CORO2A: variants seen among roughly 807,000 people sequenced by gnomAD.
CORO2A encodes the protein coronin-2A.
Under a neutral mutation model 62.4 loss-of-function variants are expected in CORO2A, and 47 were observed. The ratio of observed to expected loss-of-function variants is 0.75; its 90% CI spans 0.60 to 0.96. The LOEUF (loss-of-function observed/expected upper bound fraction) is 0.96, where lower values mean the gene tolerates loss of function less well. Among genes scored for constraint, CORO2A ranks in the 40% least tolerant of loss-of-function variants. The pLI, the probability that CORO2A is intolerant of heterozygous loss-of-function variation, is 0.00. For synonymous variants in CORO2A, 273 were observed against 268.9 expected (o/e 1.02, Z -0.15); for missense variants, 610 against 684.1 (o/e 0.89, Z 1.21).
At chr9:98,148,020 G>C (rs986170269) in intron 2 of CORO2A, among the ~76,000 whole-genome samples, 22 of 150,942 alleles carry the variant, frequency 1.5e-4, no homozygotes, top group African/African-American at 5.1e-4. Flanking sequence ...GCTGAGGCAA[G>C]AGGATCACTT....
At chr9:98,136,466 C>T (rs993175242) in intron 3 of CORO2A, among the ~76,000 whole-genome samples, 5 of 152,268 alleles carry the variant, frequency 3.3e-5, no homozygotes, top group Admixed American at 6.5e-5. Context: ...GCCCATTTTG[C>T]CTTGGCTGCC....
rs142320389 is a variant in CORO2A, at chr9:98,165,492, C to G, written c.1-7832G>C. On this transcript the variant is annotated intron_variant, in intron 1 of 11. Transcript: ENST00000375077. ...GTGCTTATTCTGCGCCAAGCCGTGT[C>G]AGGAGCAGGGCTCGGAGGGGTCAGA... Among the ~76,000 whole-genome samples the G allele has an allele frequency of 2.8e-3, 424 of 152,324 alleles. 1 individual carries two copies. The highest frequency in any genetic ancestry group is 9.3e-3 in the African/African-American group (386 of 41,570).
intron 1 of CORO2A, among the ~76,000 whole-genome samples, chr9:98,184,073 A>T (rs796441340): frequency 9.8e-5 from 15 of 152,350 alleles, no homozygotes; most frequent in African/African-American, 3.6e-4. Flanking sequence ...TGTAGGTTAC[A>T]TGTAAACACT....
In CORO2A at chr9:98,132,299, C is replaced by T; in HGVS notation, c.651G>A (p.Glu217=). 2 of 1,613,672 alleles carry T rather than the reference C, an allele frequency of 1.2e-6. No individual in the cohort carries two copies. Among genetic ancestry groups the T allele is most frequent in the South Asian group, 1.1e-5 (1 of 91,058 alleles). Reference sequence around the variant, plus strand: ...TGGCCCGGTGCCCTTTGTAGCTGGCCTCCTGGAGGGACACGTGCGGTCGGT... The same window carrying T: ...TGGCCCGGTGCCCTTTGTAGCTGGCTTCCTGGAGGGACACGTGCGGTCGGT... The part of the protein sequence containing the change: ...IDPRAGTVLQ[E]ASYKGHRASK... The change falls in exon 6 of 12, where the codon GAG becomes GAA. Residue 217 remains glutamate, a splice_region_variant and synonymous_variant. Transcript: ENST00000375077.
intron 2 of CORO2A, among the ~76,000 whole-genome samples, chr9:98,155,604 C>T (rs1295553251): frequency 6.6e-6 from 1 of 152,070 alleles, no homozygotes; most frequent in Non-Finnish European, 1.5e-5. Context: ...CTCAGCCTCC[C>T]AATGTGCTGG....
At chr9:98,150,680 GTAA>G (rs1438277119) in intron 2 of CORO2A, among the ~76,000 whole-genome samples, 1 of 152,194 alleles carries the variant, frequency 6.6e-6, no homozygotes, top group Non-Finnish European at 1.5e-5. Context: ...GAGAGTTTGA[GTAA>G]TAAAAGGAAA....
At chr9:98,191,607 A>AG (rs1359838257) in intron 1 of CORO2A, among the ~76,000 whole-genome samples, 4 of 152,126 alleles carry the variant, frequency 2.6e-5, no homozygotes, top group African/African-American at 4.8e-5. Flanking sequence ...GGAGTGTGCA[A>AG]GGGGGCAGCA....
intron 1 of CORO2A, among the ~76,000 whole-genome samples, chr9:98,163,730 A>ATG (rs368890494): frequency 0.024 from 3,239 of 135,674 alleles, 78 homozygotes; most frequent in African/African-American, 0.058. Context: ...GTGTGTGTGT[A>ATG]TGTGTGTGTG....
intron 1 of CORO2A, among the ~76,000 whole-genome samples, chr9:98,186,657 T>C (rs926660948): frequency 1.3e-5 from 2 of 152,228 alleles, no homozygotes; most frequent in Non-Finnish European, 2.9e-5. Context: ...TGAGATATCA[T>C]TTACATATAA....
intron 2 of CORO2A, among the ~76,000 whole-genome samples, chr9:98,139,095 G>GACAGA (rs1169259995): frequency 2.0e-5 from 3 of 151,566 alleles, no homozygotes; most frequent in Non-Finnish European, 4.4e-5. Flanking sequence ...CATTCATGGA[G>GACAGA]ACAGAAGGCA....
At chr9:98,181,445 G>C (rs1019019004) in intron 1 of CORO2A, among the ~76,000 whole-genome samples, 1 of 151,168 alleles carries the variant, frequency 6.6e-6, no homozygotes, top group Non-Finnish European at 1.5e-5. Flanking sequence ...CAAAGTGCTA[G>C]GATTATAGGC....
At chr9:98,146,349 T>G (rs924468342) in intron 2 of CORO2A, among the ~76,000 whole-genome samples, 1 of 152,144 alleles carries the variant, frequency 6.6e-6, no homozygotes, top group Non-Finnish European at 1.5e-5. Context: ...AGGCTGCAGG[T>G]TGCGAAACTC....
intron 1 of CORO2A, among the ~76,000 whole-genome samples, chr9:98,165,066 T>C (rs10818543): frequency 0.6 from 90,550 of 151,910 alleles, 27,056 homozygotes; most frequent in East Asian, 0.68. Flanking sequence ...CCTCCTGGGC[T>C]TGCGCAATCC....
At chr9:98,168,453 A>G (rs1456843111) in intron 1 of CORO2A, among the ~76,000 whole-genome samples, 2 of 152,240 alleles carry the variant, frequency 1.3e-5, no homozygotes, top group Admixed American at 6.5e-5. Flanking sequence ...AAGTACTGTC[A>G]TAGCCCCATT....
At chr9:98,142,660 C>T (rs547701839) in intron 2 of CORO2A, among the ~76,000 whole-genome samples, 2 of 152,306 alleles carry the variant, frequency 1.3e-5, no homozygotes, top group Non-Finnish European at 2.9e-5. Flanking sequence ...TTCAGACACA[C>T]ACCTCCCACC....
chr9:98,161,604 C>T (rs1827886952), intron 1 of CORO2A, among the ~76,000 whole-genome samples: 1 of 151,834 alleles, frequency 6.6e-6, no homozygotes, highest in African/African-American at 2.4e-5. Context: ...GATAGAGGAC[C>T]AGATTTAATT....
intron 6 of CORO2A, 39 bp from the exon 7 acceptor site, chr9:98,131,098 C>G: frequency 1.4e-6 from 2 of 1,423,312 alleles, no homozygotes; most frequent in South Asian, 2.4e-5. Flanking sequence ...CTGGGTCACT[C>G]CTGGGGGCCC....
chr9:98,157,718 AC>A, intron 1 of CORO2A, 58 bp from the exon 2 acceptor site: 1 of 1,491,958 alleles, frequency 6.7e-7, no homozygotes, highest in Non-Finnish European at 9.2e-7. Context: ...CATGGGACAC[AC>A]AGAGCTCTCA....
chr9:98,133,207 C>T lies in CORO2A; in HGVS notation c.479G>A (p.Trp160Ter). The T allele has an allele frequency of 6.2e-7, 1 of 1,614,206 alleles. No individual in the cohort carries two copies. The highest frequency in any genetic ancestry group is 2.2e-5 in the East Asian group (1 of 44,882). Reference sequence around the variant, plus strand: ...GACAGACTCCTTTGTATCCAGGTTCCAGATCATCACCTGCATGGCAGAGAG... The same window carrying T: ...GACAGACTCCTTTGTATCCAGGTTCTAGATCATCACCTGCATGGCAGAGAG... ...SAGYDYKVMI[W>*]NLDTKESVIT... The change falls in exon 5 of 12, where the codon TGG becomes TAG. Residue 160 changes from tryptophan (W) to a stop codon, truncating the protein, a stop_gained. Transcript: ENST00000375077. LOFTEE classifies it high-confidence loss of function.
Sources: gnomAD v4.1 joint callset for allele counts (sites outside exome capture counted in the v4.1 genomes callset) on GRCh38, gnomAD v4.1.1 for gene constraint, MANE v1.5 for transcripts, NCBI Gene and HGNC (gene_info 2026-07-23, HGNC 2026-07-21) for gene names.